IFT81: variants seen among roughly 807,000 people sequenced by gnomAD.
IFT81 encodes intraflagellar transport 81.
A neutral mutation model predicts 102.6 loss-of-function variants in IFT81; 72 were observed. The ratio of observed to expected loss-of-function variants is 0.70; its 90% CI spans 0.58 to 0.85. The LOEUF (loss-of-function observed/expected upper bound fraction) is 0.85, where lower values mean the gene tolerates loss of function less well. Ranked by LOEUF, IFT81 falls within the 40% of genes least tolerant of loss-of-function variation. The pLI is 0.00. For missense variants in IFT81, 723 were observed against 787.3 expected (o/e 0.92, Z 0.98); for synonymous variants, 237 against 242.7 (o/e 0.98, Z 0.22).
chr12:110,163,343 T>A (rs1896248283), intron 11 of IFT81, among the ~76,000 whole-genome samples: 1 of 151,776 alleles, frequency 6.6e-6, no homozygotes, highest in East Asian at 1.9e-4. Flanking sequence ...CAGGTTCAAG[T>A]GATTTTTCTG....
intron 4 of IFT81, 58 bp downstream of exon 4, chr12:110,129,188 CA>C: frequency 2.4e-6 from 3 of 1,236,400 alleles, no homozygotes; most frequent in Non-Finnish European, 3.4e-6. Context: ...TGTATATATT[CA>C]AATACATGTT....
rs551639239 is a variant in IFT81 at position 110,180,817 on chromosome 12, C to G, written c.1338+246C>G. Among the ~76,000 whole-genome samples the G allele has an allele frequency of 2.0e-5, 3 of 152,184 alleles. No individual in the cohort carries two copies. In the South Asian group the frequency reaches 6.2e-4, roughly 32 times the overall value. On this transcript the variant is annotated intron_variant, in intron 12 of 18. Transcript: ENST00000242591. ...AACTTGAATTCCAAGTAGGTTTTTT[C>G]TTTTGGTTAGTTAGTTAATATGAGT...
At chr12:110,194,745 C>T (rs191150333) in intron 14 of IFT81, among the ~76,000 whole-genome samples, 1 of 152,310 alleles carries the variant, frequency 6.6e-6, no homozygotes, top group African/African-American at 2.4e-5. Context: ...ATCCCCAGCA[C>T]ATGACTTAAC....
intron 8 of IFT81, among the ~76,000 whole-genome samples, chr12:110,137,622 G>A (rs1894599299): frequency 6.6e-6 from 1 of 151,666 alleles, no homozygotes; most frequent in African/African-American, 2.4e-5. Context: ...TATAATCTCA[G>A]CTACTCAGGA....
At chr12:110,137,088 C>T (rs1376546962) in intron 8 of IFT81, among the ~76,000 whole-genome samples, 1 of 152,214 alleles carries the variant, frequency 6.6e-6, no homozygotes, top group Non-Finnish European at 1.5e-5. Flanking sequence ...TGGCTCATGC[C>T]TATAATCCCA....
At chr12:110,150,491 C>T (rs1895466248) in intron 10 of IFT81, among the ~76,000 whole-genome samples, 4 of 152,188 alleles carry the variant, frequency 2.6e-5, no homozygotes, top group Admixed American at 1.3e-4. Flanking sequence ...CCTTCCAGTT[C>T]AGATTCAGGA....
chr12:110,165,743 C>G (rs1489845082), intron 11 of IFT81, among the ~76,000 whole-genome samples: 1 of 152,190 alleles, frequency 6.6e-6, no homozygotes, highest in African/African-American at 2.4e-5. Context: ...CCCAGGACCT[C>G]TCTAAGATCT....
chr12:110,201,257 C>G (rs1898252192), intron 14 of IFT81, among the ~76,000 whole-genome samples: 1 of 151,770 alleles, frequency 6.6e-6, no homozygotes, highest in African/African-American at 2.4e-5. Flanking sequence ...ACGAAATTAT[C>G]TGGTCATGGT....
At chr12:110,156,974 C>CT (rs376723361) in intron 10 of IFT81, among the ~76,000 whole-genome samples, 2 of 151,138 alleles carry the variant, frequency 1.3e-5, no homozygotes, top group African/African-American at 4.9e-5. Flanking sequence ...CTCTTGATGC[C>CT]TTCAGAATGT....
intron 10 of IFT81, among the ~76,000 whole-genome samples, chr12:110,154,807 CA>C (rs1895748243): frequency 6.6e-6 from 1 of 151,796 alleles, no homozygotes; most frequent in Admixed American, 6.6e-5. Context: ...TTTTTGGCCA[CA>C]GTCTCACTCT....
intron 5 of IFT81, among the ~76,000 whole-genome samples, chr12:110,133,970 A>G (rs1894332321): frequency 2.0e-5 from 3 of 152,188 alleles, no homozygotes; most frequent in Non-Finnish European, 4.4e-5. Context: ...TCAGATATAA[A>G]ATTACTGGGC....
Position 110,163,000 on chromosome 12 carries a change from G to A in IFT81, c.1123G>A (p.Glu375Lys). Residue 375 changes from glutamate (E) to lysine (K), a missense_variant, in exon 11 of 19, where the codon GAA (glutamate) becomes AAA (lysine). Transcript: ENST00000242591. ...AKEKLASLEREASVKRNQTRE... is the reference protein window; with the variant it reads ...AKEKLASLERKASVKRNQTRE... ...GGAGAAGTTAGCCAGCCTAGAGAGA[G>A]AAGCATCAGTAAAGAGAAATCAGAC... 6.2e-7 allele frequency: 1 copy of A among 1,614,018 alleles called. No individual in the cohort carries two copies. Among genetic ancestry groups the A allele is most frequent in the South Asian group, 1.1e-5 (1 of 91,076 alleles).
At chr12:110,180,675 G>C in intron 12 of IFT81, 104 bp downstream of exon 12, 1 of 768,252 alleles carries the variant, frequency 1.3e-6, no homozygotes, top group Admixed American at 3.1e-5. Flanking sequence ...AATGATAAAA[G>C]TATTACTTTT....
chr12:110,135,316 C>T lies in IFT81; in HGVS notation c.586-11C>T, dbSNP rs2137320002. The T allele has an allele frequency of 1.3e-6, 2 of 1,552,966 alleles. No individual in the cohort carries two copies. The highest frequency in any genetic ancestry group is 1.8e-6 in the Non-Finnish European group (2 of 1,135,338). On this transcript the variant is annotated splice_polypyrimidine_tract_variant and intron_variant, in intron 6 of 18. Transcript: ENST00000242591. ...TGACAGTAACATGTACTACTTATTC[C>T]CTTACTGTAGGTTGAGACAGCTCAG...
intron 17 of IFT81, among the ~76,000 whole-genome samples, chr12:110,208,478 C>T (rs1566171763): frequency 2.0e-5 from 3 of 152,048 alleles, no homozygotes; most frequent in African/African-American, 4.8e-5. Flanking sequence ...TGCACTCCAA[C>T]CTGGGCAACA....
Position 110,173,043 on chromosome 12 carries a change from C to T in IFT81, c.1189-7379C>T, listed in dbSNP as rs1203838574. On this transcript the variant is annotated intron_variant, in intron 11 of 18. Transcript: ENST00000242591. ...GCCCCGTCCAGGAGGTGAGGGGCGC[C>T]TCTGCCCAGCTGCCCCTACTGGGAA... is the stretch of plus-strand genomic sequence containing the variant. Among the ~76,000 whole-genome samples the T allele has an allele frequency of 1.1e-4, 16 of 147,244 alleles. No homozygotes were observed. The East Asian group carries it at 3.3e-3, about 30-fold the overall frequency.
intron 12 of IFT81, among the ~76,000 whole-genome samples, chr12:110,186,885 A>G (rs773872551): frequency 4.0e-5 from 6 of 151,792 alleles, no homozygotes; most frequent in African/African-American, 4.8e-5. Flanking sequence ...TTTAACTCCA[A>G]CTACATGCAT....
intron 11 of IFT81, among the ~76,000 whole-genome samples, chr12:110,172,915 C>T (rs1272989826): frequency 2.0e-5 from 3 of 151,178 alleles, no homozygotes; most frequent in Admixed American, 6.6e-5. Flanking sequence ...CGTCTCCGCC[C>T]GGCAGCCGCC....
intron 18 of IFT81, among the ~76,000 whole-genome samples, chr12:110,213,450 A>G (rs1374315415): frequency 6.6e-6 from 1 of 152,196 alleles, no homozygotes; most frequent in Non-Finnish European, 1.5e-5. Context: ...GATATTTGGC[A>G]AGAATACTTC....
Sources: gnomAD v4.1 joint callset for allele counts (sites outside exome capture counted in the v4.1 genomes callset) on GRCh38, gnomAD v4.1.1 for gene constraint, MANE v1.5 for transcripts, NCBI Gene and HGNC (gene_info 2026-07-23, HGNC 2026-07-21) for gene names.